The following CUL2 variants were observed in gnomAD, a reference collection of about 807,000 sequenced individuals.
CUL2 encodes cullin-2.
In CUL2, 22 loss-of-function variants were observed where a neutral mutation model predicts 110.2. The observed-to-expected ratio is 0.20, with a 90% CI of 0.14 to 0.28. CUL2 has a LOEUF of 0.28. CUL2 is among the 10% of genes least tolerant of loss of function. CUL2 has a pLI of 1.00. For synonymous variants in CUL2, 279 were observed against 293.2 expected (o/e 0.95, Z 0.49); for missense variants, 631 against 905.5 (o/e 0.70, Z 3.89).
intron 4 of CUL2, among the ~76,000 whole-genome samples, chr10:35,058,176 T>C (rs1383023763): frequency 1.3e-5 from 2 of 152,144 alleles, no homozygotes; most frequent in African/African-American, 4.8e-5. Flanking sequence ...GAACAGGTGA[T>C]TAGAAGATGC....
rs182786281 is a variant in CUL2, at chr10:35,114,890, C to T, written c.-51+11715G>A. Among the ~76,000 whole-genome samples, 10 of 152,220 alleles carry T rather than the reference C, an allele frequency of 6.6e-5. No homozygotes were observed. The East Asian group carries it at 9.6e-4, about 15-fold the overall frequency. On this transcript the variant is annotated intron_variant, in intron 1 of 5. Coordinates refer to the CUL2 transcript ENST00000685421. Reference sequence around the variant, plus strand: ...CAGAAGAAAACATCAATGAATTTGACGACACCAATATAGAAACTATCTAAA... The same window carrying T: ...CAGAAGAAAACATCAATGAATTTGATGACACCAATATAGAAACTATCTAAA...
At chr10:35,048,118 A>G (rs577038138) in intron 6 of CUL2, among the ~76,000 whole-genome samples, 60 of 152,248 alleles carry the variant, frequency 3.9e-4, no homozygotes, top group African/African-American at 1.4e-3. Context: ...AAATGGGAAG[A>G]TGGATGTAAA....
Position 35,033,288 on chromosome 10 carries a change from TA to T in CUL2, c.1003-16del. ...AGTGTTGGCATCTAAAAATGAAATA[TA>T]AGTACAAAACCACATTTTAAGAGGT... is the stretch of plus-strand genomic sequence containing the variant. On this transcript the variant is annotated splice_polypyrimidine_tract_variant and intron_variant, in intron 10 of 20. Transcript: ENST00000374749. 6.4e-7 allele frequency: 1 copy of T among 1,567,366 alleles called. No homozygotes were observed. Among genetic ancestry groups the T allele is most frequent in the Non-Finnish European group, 8.8e-7 (1 of 1,137,938 alleles).
intron 1 of CUL2, chr10:35,079,644 T>A (rs904029630): frequency 1.9e-5 from 3 of 154,320 alleles, no homozygotes; most frequent in Non-Finnish European, 2.9e-5. Context: ...TTTTCTTTCA[T>A]AATTGTGAAG....
At chr10:35,064,308 A>G (rs1305114247) in intron 2 of CUL2, among the ~76,000 whole-genome samples, 1 of 152,228 alleles carries the variant, frequency 6.6e-6, no homozygotes, top group African/African-American at 2.4e-5. Flanking sequence ...TCAGGTATTA[A>G]AGTTTAATAG....
chr10:35,078,313 G>C (rs973158712), intron 1 of CUL2, among the ~76,000 whole-genome samples: 1 of 115,800 alleles, frequency 8.6e-6, no homozygotes, highest in African/African-American at 3.2e-5. Flanking sequence ...TTTTTTTTTT[G>C]AGATGGAGTT....
chr10:35,038,866 GAT>G lies in CUL2; in HGVS notation c.877+52_877+53del, dbSNP rs1312692889. On this transcript the variant is annotated intron_variant, in intron 9 of 20. Transcript: ENST00000374749. ...ATTAAATCAAGGGTGACTAGAGGAT[GAT>G]ATAAAAGGTGGATTTATAATTTAAT... is the stretch of plus-strand genomic sequence containing the variant. The G allele has an allele frequency of 8.7e-5, 105 of 1,204,280 alleles. No homozygotes were observed. In the South Asian group the frequency reaches 8.8e-4, roughly 10 times the overall value. The allele number at this position is 1,204,280 out of a possible 1,614,324, so 74.6% of individuals were successfully genotyped here.
chr10:35,055,723 A>C (rs904559283), intron 4 of CUL2, among the ~76,000 whole-genome samples: 6 of 151,900 alleles, frequency 3.9e-5, no homozygotes, highest in African/African-American at 4.8e-5. Context: ...CTCTGACCAT[A>C]AGTTACAAGA....
upstream of CUL2, among the ~76,000 whole-genome samples, chr10:35,093,520 A>G (rs1434174845): frequency 6.6e-6 from 1 of 151,848 alleles, no homozygotes; most frequent in Non-Finnish European, 1.5e-5. Context: ...TTAGCCAGGC[A>G]TGGTGGTGTG....
chr10:35,055,022 G>A (rs935283257), intron 4 of CUL2, among the ~76,000 whole-genome samples: 1 of 152,196 alleles, frequency 6.6e-6, no homozygotes, highest in African/African-American at 2.4e-5. Context: ...AAGATTGACA[G>A]ATACAAGATG....
At chr10:35,033,085 A>T in intron 11 of CUL2, 81 bp downstream of exon 11, 1 of 688,196 alleles carries the variant, frequency 1.5e-6, no homozygotes, top group Non-Finnish European at 2.3e-6. Context: ...GAAACCTCAT[A>T]CTAGAATTCT....
chr10:35,071,355 CAAT>C lies in CUL2; in HGVS notation c.-22-19_-22-17del, dbSNP rs2086672385. The C allele has an allele frequency of 1.3e-6, 2 of 1,592,924 alleles. No individual in the cohort carries two copies. The highest frequency in any genetic ancestry group is 1.3e-5 in the African/African-American group (1 of 74,292). On this transcript the variant is annotated splice_polypyrimidine_tract_variant and intron_variant, in intron 1 of 20. Transcript: ENST00000374749. Reference sequence around the variant, plus strand: ...GTGTTGAAATCTGTCAATTAAAAAACAATAACAATGTTAGCAATAATTCCATGA... The same window carrying C: ...GTGTTGAAATCTGTCAATTAAAAAACAACAATGTTAGCAATAATTCCATGA...
At chr10:35,063,211 T>C (rs1224529971) in intron 2 of CUL2, 149 bp from the exon 3 acceptor site, 3 of 498,420 alleles carry the variant, frequency 6.0e-6, no homozygotes, top group Non-Finnish European at 1.1e-5. Flanking sequence ...TATGACAAGA[T>C]AGAATACATA....
At chr10:35,087,194 G>A (rs1033154773) in intron 1 of CUL2, among the ~76,000 whole-genome samples, 11 of 152,206 alleles carry the variant, frequency 7.2e-5, no homozygotes, top group Non-Finnish European at 1.3e-4. Flanking sequence ...GGGTACTACA[G>A]GCGTGCGCCA....
intron 19 of CUL2, among the ~76,000 whole-genome samples, chr10:35,012,250 T>A (rs1398751035): frequency 6.6e-6 from 1 of 151,990 alleles, no homozygotes. Flanking sequence ...CAATATCACA[T>A]AACCACTGCT....
chr10:35,110,410 C>A (rs970430860), intron 1 of CUL2, among the ~76,000 whole-genome samples: 1 of 150,670 alleles, frequency 6.6e-6, no homozygotes, highest in Non-Finnish European at 1.5e-5. Context: ...CAAAAAAATA[C>A]AAAAATTAGC....
At chr10:35,076,807 C>T (rs546483972) in intron 1 of CUL2, among the ~76,000 whole-genome samples, 3 of 152,088 alleles carry the variant, frequency 2.0e-5, no homozygotes, top group South Asian at 4.2e-4. Context: ...CCCAACACTT[C>T]GGGAGGCCAA....
At position 35,062,987 on chromosome 10, in the gene CUL2, C is replaced by CA; in HGVS notation, c.194dup (p.Leu65PhefsTer10). 6.2e-7 allele frequency: 1 copy of CA among 1,607,960 alleles called. No individual in the cohort carries two copies. The highest frequency in any genetic ancestry group is 8.5e-7 in the Non-Finnish European group (1 of 1,174,996). ...TATGCAAATGCCGAACATGATTTTCCAAAAAAATCTTAGTTTCTGTATAAA... is the reference window on the plus strand; with the variant it reads ...TATGCAAATGCCGAACATGATTTTCCAAAAAAAATCTTAGTTTCTGTATAAA... On this transcript the variant is annotated frameshift_variant, in exon 3 of 21. Coordinates refer to ENST00000374749, the MANE Select transcript of CUL2 (RefSeq NM_003591.4). LOFTEE classifies it high-confidence loss of function.
intron 5 of CUL2, among the ~76,000 whole-genome samples, chr10:35,050,436 T>G (rs1315675717): frequency 2.0e-5 from 3 of 152,210 alleles, no homozygotes; most frequent in Non-Finnish European, 4.4e-5. Flanking sequence ...TGAAATAATG[T>G]GATTTGGCTG....
Sources: allele counts gnomAD v4.1 joint callset (sites outside exome capture counted in the v4.1 genomes callset), GRCh38; gene constraint gnomAD v4.1.1; transcripts MANE v1.5; gene names NCBI Gene and HGNC (gene_info 2026-07-23, HGNC 2026-07-21).